Variants in NUTM2B observed in about 807,000 individuals in gnomAD.
The protein encoded by NUTM2B is family with sequence similarity 22, member B.
A neutral mutation model predicts 42.4 loss-of-function variants in NUTM2B; 2 were observed. That is an observed-to-expected ratio of 0.05 (90% CI 0.02 to 0.15). The LOEUF (loss-of-function observed/expected upper bound fraction) is 0.15, where lower values mean the gene tolerates loss of function less well. Among genes scored for constraint, NUTM2B ranks in the 10% least tolerant of loss-of-function variants. The probability of loss-of-function intolerance (pLI) is 1.00; values close to 1 mark genes in which losing one functional copy is unlikely to be tolerated. For synonymous variants in NUTM2B, 18 were observed against 402.4 expected (o/e 0.04, Z 11.43); for missense variants, 58 against 952.6 (o/e 0.06, Z 12.36).
chr10:79,695,297 T>C, the NUTM2B span, among the ~76,000 whole-genome samples: 39,568 of 151,766 alleles, frequency 0.26, 5,821 homozygotes, highest in East Asian at 0.69. Flanking sequence ...ATCACCTTGG[T>C]TCCTCAGGCT....
chr10:79,705,780 G>T (rs1446422814), intron 1 of NUTM2B, among the ~76,000 whole-genome samples: 1 of 148,746 alleles, frequency 6.7e-6, no homozygotes, highest in Non-Finnish European at 1.5e-5. Flanking sequence ...AGGGACACCC[G>T]AGGGAGACGC....
chr10:79,700,129 G>A (rs1303175125), upstream of NUTM2B, among the ~76,000 whole-genome samples: 2 of 152,202 alleles, frequency 1.3e-5, no homozygotes, highest in Non-Finnish European at 2.9e-5. Flanking sequence ...ACCAACTTGT[G>A]CTACCAAGCG....
At chr10:79,707,387 T>C (rs1300833809) in intron 2 of NUTM2B, among the ~76,000 whole-genome samples, 7 of 133,060 alleles carry the variant, frequency 5.3e-5, no homozygotes, top group Non-Finnish European at 1.1e-4. Context: ...GCCTGGCACA[T>C]GCTATGACAC....
chr10:79,701,386 A>G (rs1036575992), upstream of NUTM2B, among the ~76,000 whole-genome samples: 4 of 152,042 alleles, frequency 2.6e-5, no homozygotes, highest in African/African-American at 4.8e-5. Flanking sequence ...TCTGCAACAC[A>G]GTGCAGAATT....
upstream of NUTM2B, among the ~76,000 whole-genome samples, chr10:79,699,391 CT>C (rs1466108157): frequency 6.6e-6 from 1 of 151,926 alleles, no homozygotes; most frequent in Non-Finnish European, 1.5e-5. Context: ...ATCTCATATT[CT>C]CCAAATATAA....
upstream of NUTM2B, among the ~76,000 whole-genome samples, chr10:79,700,711 G>A (rs938352925): frequency 5.9e-5 from 9 of 152,198 alleles, 1 homozygote; most frequent in Middle Eastern, 0.017. Flanking sequence ...CTTTGCTCTC[G>A]TGCTGCGCGT....
chr10:79,700,005 G>A (rs1223611894), upstream of NUTM2B, among the ~76,000 whole-genome samples: 1 of 152,232 alleles, frequency 6.6e-6, no homozygotes, highest in Admixed American at 6.5e-5. Context: ...TTAGATACAT[G>A]TGTAGCCTAC....
At chr10:79,701,224 C>T (rs1840308430), upstream of NUTM2B, among the ~76,000 whole-genome samples, 5 of 152,162 alleles carry the variant, frequency 3.3e-5, no homozygotes, top group Admixed American at 3.3e-4. Context: ...TGAAAACACA[C>T]TCCAAAATAT....
the NUTM2B span, among the ~76,000 whole-genome samples, chr10:79,692,904 CAAG>C: frequency 3.3e-5 from 5 of 152,106 alleles, no homozygotes; most frequent in Admixed American, 1.3e-4. Context: ...TCTTGATCTG[CAAG>C]AAGGACATAG....
intron 5 of NUTM2B, among the ~76,000 whole-genome samples, chr10:79,710,984 G>A (rs1485437416): frequency 4.0e-4 from 54 of 133,874 alleles, no homozygotes; most frequent in Admixed American, 6.9e-4. Context: ...TGAGTGTGGA[G>A]TGTGTACGTT....
chr10:79,698,244 A>C (rs1840259351), upstream of NUTM2B, among the ~76,000 whole-genome samples: 1 of 151,744 alleles, frequency 6.6e-6, no homozygotes, highest in Non-Finnish European at 1.5e-5. Context: ...GGCACATACA[A>C]ACTCACACAA....
chr10:79,701,933 G>A (rs558439004), upstream of NUTM2B, among the ~76,000 whole-genome samples: 179 of 147,862 alleles, frequency 1.2e-3, 2 homozygotes, highest in East Asian at 5.9e-3. Context: ...TCAAAGCCAC[G>A]TGTGAGAATC....
At chr10:79,699,490 T>C (rs1363720355), upstream of NUTM2B, among the ~76,000 whole-genome samples, 1 of 152,260 alleles carries the variant, frequency 6.6e-6, no homozygotes, top group Admixed American at 6.5e-5. Context: ...TTGCCCAGGC[T>C]GGAGTGCAGT....
the NUTM2B span, among the ~76,000 whole-genome samples, chr10:79,695,820 C>A: frequency 6.6e-6 from 1 of 151,688 alleles, no homozygotes; most frequent in African/African-American, 2.4e-5. Flanking sequence ...TTCTGTCTAC[C>A]AGGCCCACCC....
chr10:79,709,632 C>G (rs1374233580), intron 3 of NUTM2B, among the ~76,000 whole-genome samples, 168 bp from the exon 4 acceptor site: 1 of 132,952 alleles, frequency 7.5e-6, no homozygotes, highest in Admixed American at 7.8e-5. Flanking sequence ...AGGGTGAGCC[C>G]GGAACTCTGG....
At chr10:79,693,846 C>G in the NUTM2B span, among the ~76,000 whole-genome samples, 1 of 152,180 alleles carries the variant, frequency 6.6e-6, no homozygotes, top group Non-Finnish European at 1.5e-5. Context: ...TCCATTTGTA[C>G]CACAGGGAAG....
chr10:79,695,665 C>T, the NUTM2B span, among the ~76,000 whole-genome samples: 2 of 152,022 alleles, frequency 1.3e-5, no homozygotes, highest in Non-Finnish European at 2.9e-5. Context: ...GTCCTCGTCA[C>T]TCGCCATGCC....
At chr10:79,701,547 T>C (rs992145392), upstream of NUTM2B, among the ~76,000 whole-genome samples, 2 of 151,992 alleles carry the variant, frequency 1.3e-5, no homozygotes, top group Admixed American at 1.3e-4. Flanking sequence ...AGCCTTCACG[T>C]TGATGCAGTC....
At chr10:79,699,945 G>A (rs1840282080), upstream of NUTM2B, among the ~76,000 whole-genome samples, 1 of 152,220 alleles carries the variant, frequency 6.6e-6, no homozygotes, top group South Asian at 2.1e-4. Context: ...ACATTCTCAA[G>A]TACACACTAA....
Sources: gnomAD v4.1 joint callset for allele counts (sites outside exome capture counted in the v4.1 genomes callset) on GRCh38, gnomAD v4.1.1 for gene constraint, MANE v1.5 for transcripts, NCBI Gene and HGNC (gene_info 2026-07-23, HGNC 2026-07-21) for gene names.